The following PSMD5 variants were observed in gnomAD, a reference collection of about 807,000 sequenced individuals.
PSMD5 encodes 26S proteasome non-ATPase regulatory subunit 5.
PSMD5 carries 40 observed loss-of-function variants against 52.1 expected under a neutral mutation model. That is an observed-to-expected ratio of 0.77 (90% CI 0.60 to 1.00). The LOEUF is 1.00. Ranked by LOEUF, PSMD5 falls within the 50% of genes least tolerant of loss-of-function variation. PSMD5 has a pLI of 0.00. For missense variants in PSMD5, 575 were observed against 605.2 expected (o/e 0.95, Z 0.52); for synonymous variants, 211 against 226.6 (o/e 0.93, Z 0.62).
chr9:120,833,058 G>T (rs2131431327), intron 2 of PSMD5, among the ~76,000 whole-genome samples: 1 of 152,336 alleles, frequency 6.6e-6, no homozygotes, highest in Non-Finnish European at 1.5e-5. Context: ...AACTCAGTCA[G>T]TATCTGATTA....
At chr9:120,835,190 C>T (rs373269539) in intron 1 of PSMD5, among the ~76,000 whole-genome samples, 3 of 152,208 alleles carry the variant, frequency 2.0e-5, no homozygotes, top group Admixed American at 2.0e-4. Flanking sequence ...AAAACTTGTA[C>T]ACAAATGTTC....
chr9:120,828,137 C>T (rs150940941), intron 5 of PSMD5, among the ~76,000 whole-genome samples: 2 of 152,248 alleles, frequency 1.3e-5, no homozygotes, highest in East Asian at 1.9e-4. Flanking sequence ...GCTAGGATTA[C>T]AGGCACCCAC....
chr9:120,831,284 A>C (rs2045157838), intron 4 of PSMD5, 47 bp downstream of exon 4: 1 of 1,528,018 alleles, frequency 6.5e-7, no homozygotes, highest in African/African-American at 1.4e-5. Flanking sequence ...CATAAGCCAA[A>C]CTGCATTCTG....
intron 3 of PSMD5, 81 bp downstream of exon 3, chr9:120,831,751 T>G: frequency 1.3e-6 from 2 of 1,531,890 alleles, no homozygotes; most frequent in Non-Finnish European, 1.7e-6. Flanking sequence ...AACCTTCACC[T>G]CTCAATTCAG....
chr9:120,829,047 T>C, intron 5 of PSMD5, 52 bp downstream of exon 5: 2 of 1,487,114 alleles, frequency 1.3e-6, no homozygotes, highest in Middle Eastern at 1.8e-4. Context: ...CCAAGGTTGT[T>C]TCCCAGCCCT....
Position 120,831,467 on chromosome 9 carries a change from C to T in PSMD5, c.433-8G>A, listed in dbSNP as rs369793701. On this transcript the variant is annotated splice_region_variant and splice_polypyrimidine_tract_variant and intron_variant, in intron 3 of 9. Transcript: ENST00000210313. ...TGACAGGGATTTGATAGCCTTATAACGAAAGAAAATATCTCTTACATTCCC... is the reference window on the plus strand; with the variant it reads ...TGACAGGGATTTGATAGCCTTATAATGAAAGAAAATATCTCTTACATTCCC... 2.8e-4 allele frequency: 454 copies of T among 1,593,490 alleles called. 4 individuals carry two copies. In the South Asian group the frequency reaches 3.3e-3, roughly 12 times the overall value.
chr9:120,817,883 C>T lies in PSMD5; in HGVS notation c.*23G>A, dbSNP rs777058578. 4.4e-6 allele frequency: 7 copies of T among 1,592,770 alleles called. No homozygotes were observed. The African/African-American group carries it at 9.4e-5, about 21-fold the overall frequency. On this transcript the variant is annotated 3_prime_UTR_variant, in exon 10 of 10. Coordinates refer to ENST00000210313, the MANE Select transcript of PSMD5 (RefSeq NM_005047.4). ...GAGAAGTTTTGGTCAAAACGTGGTC[C>T]TCTACATGAGCTCTAGAAGAAATCA...
At chr9:120,835,756 G>A (rs1463004778) in intron 1 of PSMD5, among the ~76,000 whole-genome samples, 1 of 151,670 alleles carries the variant, frequency 6.6e-6, no homozygotes, top group African/African-American at 2.4e-5. Context: ...ATAAAATAAA[G>A]TAGATTCCTG....
chr9:120,829,662 T>C (rs1464028473), intron 4 of PSMD5, among the ~76,000 whole-genome samples: 2 of 152,154 alleles, frequency 1.3e-5, no homozygotes, highest in African/African-American at 2.4e-5. Flanking sequence ...TCCTGAAGTG[T>C]TGAGATTACA....
Position 120,817,680 on chromosome 9 carries a change from T to C in PSMD5, c.*226A>G, listed in dbSNP as rs1045207427. 6.0e-6 allele frequency: 3 copies of C among 499,318 alleles called. No homozygotes were observed. The highest frequency in any genetic ancestry group is 5.7e-5 in the African/African-American group (3 of 52,386). 30.9% of individuals were successfully genotyped at this position (499,318 alleles called of 1,614,324 possible). A position where few individuals can be genotyped will look rare whatever the true frequency, so the allele number is the denominator to read the frequency against. ...GCAGTGAAAGGAATCTGAAAAACAC[T>C]GGATCTATTATGACCAAGCTTGTCT... is the stretch of plus-strand genomic sequence containing the variant. On this transcript the variant is annotated 3_prime_UTR_variant, in exon 10 of 10. Transcript: ENST00000210313.
At chr9:120,839,049 G>A (rs1269783139) in intron 1 of PSMD5, among the ~76,000 whole-genome samples, 1 of 152,214 alleles carries the variant, frequency 6.6e-6, no homozygotes, top group African/African-American at 2.4e-5. Flanking sequence ...GAATAATTGA[G>A]AAAAATATTT....
chr9:120,833,152 A>G (rs1186273265), intron 2 of PSMD5, among the ~76,000 whole-genome samples, 160 bp downstream of exon 2: 1 of 151,496 alleles, frequency 6.6e-6, no homozygotes, highest in African/African-American at 2.4e-5. Flanking sequence ...ACATTGGAAT[A>G]GACCACACAT....
At chr9:120,840,731 T>C (rs2131440127) in intron 1 of PSMD5, among the ~76,000 whole-genome samples, 1 of 151,256 alleles carries the variant, frequency 6.6e-6, no homozygotes, top group African/African-American at 2.4e-5. Flanking sequence ...GAGATTCTCC[T>C]GCCTCAGCCT....
At chr9:120,818,628 C>A (rs543055379) in intron 9 of PSMD5, among the ~76,000 whole-genome samples, 63 of 151,964 alleles carry the variant, frequency 4.1e-4, no homozygotes, top group African/African-American at 1.5e-3. Context: ...ATTGTGGTAT[C>A]ATTTGTAAGA....
Position 120,826,654 on chromosome 9 carries a change from G to A in PSMD5, c.814+111C>T, listed in dbSNP as rs944960099. On this transcript the variant is annotated intron_variant, in intron 6 of 9. Transcript: ENST00000210313. ...CGAAATCAGCTCATTAAGGAAATCAGCTCTAAAGGAAAACAATCCCTGTCC... is the reference window on the plus strand; with the variant it reads ...CGAAATCAGCTCATTAAGGAAATCAACTCTAAAGGAAAACAATCCCTGTCC... The A allele has an allele frequency of 2.3e-6, 3 of 1,310,306 alleles. No individual in the cohort carries two copies. The African/African-American group carries it at 4.5e-5, about 20-fold the overall frequency. The allele number at this position is 1,310,306 out of a possible 1,614,324, so 81.2% of individuals were successfully genotyped here.
Position 120,820,965 on chromosome 9 carries a change from A to G in PSMD5, c.1131T>C (p.Thr377=). The change falls in exon 9 of 10, where the codon ACT becomes ACC. Residue 377 remains threonine, a synonymous_variant. Coordinates refer to ENST00000210313, the MANE Select transcript of PSMD5 (RefSeq NM_005047.4). Reference sequence around the variant, plus strand: ...ATTCTGTCATCCTCAGAAGGTCATCAGTCTGCTGCTCAGGCTACAGGAAAG... The same window carrying G: ...ATTCTGTCATCCTCAGAAGGTCATCGGTCTGCTGCTCAGGCTACAGGAAAG... ...SLLYLPPEQQ[T]DDLLRMTESW... 6.3e-7 allele frequency: 1 copy of G among 1,592,872 alleles called. No individual in the cohort carries two copies. The highest frequency in any genetic ancestry group is 1.4e-5 in the African/African-American group (1 of 73,946).
intron 4 of PSMD5, among the ~76,000 whole-genome samples, chr9:120,829,841 TC>T (rs2045148075): frequency 6.6e-6 from 1 of 152,156 alleles, no homozygotes; most frequent in Non-Finnish European, 1.5e-5. Flanking sequence ...TGTCAGTCAG[TC>T]AGTCAGTCAT....
At position 120,816,175 on chromosome 9, in the gene PSMD5, A is replaced by G. The variant is rs2045040606; in HGVS notation, c.*1731T>C. ...CAAAATCTGATGTTAAGTGAATAAA[A>G]TCAATGTCATGAAGCAGAATGGTGG... On this transcript the variant is annotated 3_prime_UTR_variant, in exon 10 of 10. Transcript: ENST00000210313. The G allele has an allele frequency of 6.6e-6, 1 of 152,320 alleles. No homozygotes were observed. Among genetic ancestry groups the G allele is most frequent in the African/African-American group, 2.4e-5 (1 of 41,474 alleles). The allele number at this position is 152,320 out of a possible 1,614,324, so 9.4% of individuals were successfully genotyped here. A position where few individuals can be genotyped will look rare whatever the true frequency, so the allele number is the denominator to read the frequency against.
chr9:120,826,813 T>C lies in PSMD5; in HGVS notation c.766A>G (p.Ile256Val). The C allele has an allele frequency of 1.2e-6, 2 of 1,613,904 alleles. No individual in the cohort carries two copies. Among genetic ancestry groups the C allele is most frequent in the South Asian group, 1.1e-5 (1 of 91,084 alleles). ...GGGTCTGAATCTGCCCCAACAATTA[T>C]ATTAGAAATTTGGTCAATTACTCCT... ...QEGVIDQISN[I>V]IVGADSDPFS... Residue 256 changes from isoleucine (I) to valine (V), a missense_variant, in exon 6 of 10, where the codon ATA becomes GTA. By Grantham distance (29) the Ile-to-Val change is conservative. Coordinates refer to ENST00000210313, the MANE Select transcript of PSMD5 (RefSeq NM_005047.4).
Sources: allele counts gnomAD v4.1 joint callset (sites outside exome capture counted in the v4.1 genomes callset), GRCh38; gene constraint gnomAD v4.1.1; transcripts MANE v1.5; gene names NCBI Gene and HGNC (gene_info 2026-07-23, HGNC 2026-07-21).